The following DOCK8 variants were observed in gnomAD, a reference collection of about 807,000 sequenced individuals.
The protein encoded by DOCK8 is dedicator of cytokinesis protein 8.
Under a neutral mutation model 245.6 loss-of-function variants are expected in DOCK8, and 141 were observed. That is an observed-to-expected ratio of 0.57 (90% CI 0.50 to 0.66). DOCK8 has a LOEUF of 0.66. Among genes scored for constraint, DOCK8 ranks in the 30% least tolerant of loss-of-function variants. The probability of loss-of-function intolerance (pLI) is 0.00; values close to 1 mark genes in which losing one functional copy is unlikely to be tolerated. For missense variants in DOCK8, 2,965 were observed against 2,603.4 expected (o/e 1.14, Z -3.02); for synonymous variants, 1,168 against 970.2 (o/e 1.20, Z -3.79).
At chr9:369,955 C>T in intron 15 of DOCK8, 1 of 460,888 alleles carries the variant, frequency 2.2e-6, no homozygotes, top group Non-Finnish European at 4.0e-6. Flanking sequence ...GCATGTGCCA[C>T]CACGCCTGGC....
intron 7 of DOCK8, among the ~76,000 whole-genome samples, chr9:320,037 T>G (rs890793949): frequency 1.3e-5 from 2 of 152,232 alleles, no homozygotes; most frequent in African/African-American, 4.8e-5. Flanking sequence ...GAAACCTGCA[T>G]GCTGGCTAAC....
chr9:409,001 A>G (rs972566145), intron 28 of DOCK8, among the ~76,000 whole-genome samples: 4 of 152,080 alleles, frequency 2.6e-5, no homozygotes, highest in Non-Finnish European at 5.9e-5. Context: ...GTTGTCAGTT[A>G]CTCTCCTGGA....
At chr9:442,084 TAAACA>T (rs1439759385) in intron 42 of DOCK8, 75 bp downstream of exon 42, 1 of 1,585,070 alleles carries the variant, frequency 6.3e-7, no homozygotes, top group Non-Finnish European at 8.6e-7. Flanking sequence ...TCACCAAAAA[TAAACA>T]AATAAAGAGT....
At chr9:256,386 C>T (rs2047775988) in intron 1 of DOCK8, among the ~76,000 whole-genome samples, 1 of 152,182 alleles carries the variant, frequency 6.6e-6, no homozygotes, top group Non-Finnish European at 1.5e-5. Context: ...GGCTCTGCTT[C>T]AGAACTTGAT....
In DOCK8 at chr9:386,409, A is replaced by G; in HGVS notation, c.2857A>G (p.Arg953Gly). 6.2e-7 allele frequency: 1 copy of G among 1,613,624 alleles called. No individual in the cohort carries two copies. ...TGCTCCAAGTTCACCTGCAGCCCCAAGGCCAGCCAGCAAAAAGGTACTGAA... is the reference window on the plus strand; with the variant it reads ...TGCTCCAAGTTCACCTGCAGCCCCAGGGCCAGCCAGCAAAAAGGTACTGAA... ...SDAPSSPAAP[R>G]PASKKHFHEE... The change falls in exon 23 of 48, where the codon AGG becomes GGG. Residue 953 changes from arginine to glycine, a missense_variant. Arg to Gly is a moderately radical substitution (Grantham distance 125). Coordinates refer to ENST00000432829, the MANE Select transcript of DOCK8 (RefSeq NM_203447.4).
At chr9:327,175 C>CT (rs1305309354) in intron 8 of DOCK8, among the ~76,000 whole-genome samples, 1 of 152,152 alleles carries the variant, frequency 6.6e-6, no homozygotes, top group African/African-American at 2.4e-5. Context: ...TATTCATACT[C>CT]TAATCTCTCC....
At chr9:219,240 C>T (rs537655806) in intron 1 of DOCK8, among the ~76,000 whole-genome samples, 3 of 152,136 alleles carry the variant, frequency 2.0e-5, no homozygotes, top group South Asian at 2.1e-4. Context: ...GAGGCCAAGG[C>T]GGGACGATCA....
chr9:216,539 A>C (rs868464538), intron 1 of DOCK8, among the ~76,000 whole-genome samples: 1,480 of 56,924 alleles, frequency 0.026, 24 homozygotes, highest in African/African-American at 0.082. Flanking sequence ...AAAACAGACA[A>C]AAAAAAAAAA....
intron 14 of DOCK8, 130 bp downstream of exon 14, chr9:340,451 T>C: frequency 8.4e-7 from 1 of 1,191,774 alleles, no homozygotes. Context: ...CAAAACCGTG[T>C]CTCTACAACA....
At chr9:461,418 C>G (rs1428848714) in intron 46 of DOCK8, among the ~76,000 whole-genome samples, 1 of 150,906 alleles carries the variant, frequency 6.6e-6, no homozygotes, top group African/African-American at 2.4e-5. Flanking sequence ...TTTTTTAAAT[C>G]TCATTGGTGA....
chr9:277,777 A>T (rs2048418744), intron 2 of DOCK8, among the ~76,000 whole-genome samples: 1 of 152,206 alleles, frequency 6.6e-6, no homozygotes, highest in Non-Finnish European at 1.5e-5. Context: ...AAAAAGCCAC[A>T]TCCTGGATAT....
upstream of DOCK8, among the ~76,000 whole-genome samples, chr9:212,489 G>C (rs146252088): frequency 6.6e-6 from 1 of 152,216 alleles, no homozygotes; most frequent in African/African-American, 2.4e-5. Flanking sequence ...AACGAAAGAG[G>C]CAGTGAGAAT....
At chr9:367,845 A>C (rs867420296) in intron 14 of DOCK8, among the ~76,000 whole-genome samples, 173 bp from the exon 15 acceptor site, 2 of 152,322 alleles carry the variant, frequency 1.3e-5, no homozygotes, top group Middle Eastern at 6.8e-3. Context: ...AGATGACTGT[A>C]GCTGAAGAGG....
intron 6 of DOCK8, among the ~76,000 whole-genome samples, chr9:316,187 G>GA (rs1325895025): frequency 6.6e-6 from 1 of 152,190 alleles, no homozygotes; most frequent in Non-Finnish European, 1.5e-5. Flanking sequence ...AAGCTCCCAG[G>GA]AAAAGACAGT....
intron 23 of DOCK8, 85 bp from the exon 24 acceptor site, chr9:390,386 G>A (rs2054137248): frequency 8.1e-7 from 1 of 1,229,002 alleles, no homozygotes; most frequent in Admixed American, 1.8e-5. Context: ...CTATTAAATT[G>A]GGGGGAATAA....
In DOCK8 at chr9:349,032, G is replaced by A. The variant is rs181428739; in HGVS notation, c.1679+8711G>A. On this transcript the variant is annotated intron_variant, in intron 14 of 47. Coordinates refer to ENST00000432829, the MANE Select transcript of DOCK8 (RefSeq NM_203447.4). The stretch of plus-strand genomic sequence containing the variant: ...TGCCCTTGGGCCCTCAGCAGAAGTC[G>A]GGAATCGTCTTATACTTCCAGATCG... 5.9e-5 allele frequency among the ~76,000 whole-genome samples: 9 copies of A among 152,250 alleles called. No individual in the cohort carries two copies. In the East Asian group the frequency reaches 1.2e-3, roughly 20 times the overall value.
At chr9:375,282 G>C (rs1201550206) in intron 18 of DOCK8, among the ~76,000 whole-genome samples, 1 of 152,062 alleles carries the variant, frequency 6.6e-6, no homozygotes, top group Non-Finnish European at 1.5e-5. Context: ...CAACACTGCA[G>C]GACATCTCTA....
At chr9:332,544 A>G in intron 10 of DOCK8, 66 bp downstream of exon 10, 1 of 1,156,690 alleles carries the variant, frequency 8.6e-7, no homozygotes, top group Non-Finnish European at 1.3e-6. Flanking sequence ...CAGAAGTGTT[A>G]CACAAATAGT....
chr9:281,367 G>A (rs766076070), intron 2 of DOCK8, among the ~76,000 whole-genome samples: 1 of 152,018 alleles, frequency 6.6e-6, no homozygotes, highest in Non-Finnish European at 1.5e-5. Flanking sequence ...AAATTACTTT[G>A]ATGTTCATTT....
Sources: allele counts gnomAD v4.1 joint callset (sites outside exome capture counted in the v4.1 genomes callset), GRCh38; gene constraint gnomAD v4.1.1; transcripts MANE v1.5; gene names NCBI Gene and HGNC (gene_info 2026-07-23, HGNC 2026-07-21).